Variants in STK32C observed in about 807,000 individuals in gnomAD.
STK32C encodes the protein serine/threonine kinase 32C, also known as serine/threonine-protein kinase 32C.
STK32C carries 31 observed loss-of-function variants against 56.5 expected under a neutral mutation model. That is an observed-to-expected ratio of 0.55 (90% CI 0.41 to 0.74). The LOEUF (loss-of-function observed/expected upper bound fraction) is 0.74, where lower values mean the gene tolerates loss of function less well. STK32C is among the 30% of genes least tolerant of loss of function. The probability of loss-of-function intolerance (pLI) is 0.00; values close to 1 mark genes in which losing one functional copy is unlikely to be tolerated. For missense variants in STK32C, 544 were observed against 676.9 expected (o/e 0.80, Z 2.18); for synonymous variants, 309 against 289.4 (o/e 1.07, Z -0.69).
intron 2 of STK32C, among the ~76,000 whole-genome samples, chr10:132,240,581 T>C (rs971360845): frequency 5.3e-5 from 8 of 152,162 alleles, no homozygotes; most frequent in African/African-American, 1.9e-4. Flanking sequence ...GTGGGGTCAC[T>C]GCAAGGACAG....
intron 1 of STK32C, among the ~76,000 whole-genome samples, chr10:132,283,726 G>A (rs893851289): frequency 3.9e-5 from 6 of 152,198 alleles, no homozygotes; most frequent in African/African-American, 1.4e-4. Context: ...TAAGAGGAGG[G>A]AACACGTGGT....
chr10:132,226,502 A>T (rs978030972), intron 4 of STK32C, among the ~76,000 whole-genome samples: 5 of 152,212 alleles, frequency 3.3e-5, no homozygotes, highest in African/African-American at 7.2e-5. Context: ...GGTGAAGGCC[A>T]CCTGCTGTGA....
At chr10:132,268,876 CGTGT>C (rs1305377650) in intron 1 of STK32C, among the ~76,000 whole-genome samples, 1 of 124,544 alleles carries the variant, frequency 8.0e-6, no homozygotes, top group Non-Finnish European at 1.6e-5. Flanking sequence ...TGTCCCACAT[CGTGT>C]GTATGTGTGT....
intron 1 of STK32C, among the ~76,000 whole-genome samples, chr10:132,267,378 C>A (rs2064578088): frequency 1.3e-5 from 2 of 152,254 alleles, no homozygotes; most frequent in African/African-American, 4.8e-5. Context: ...TGTGAATGTG[C>A]ATGTGTGTCT....
At chr10:132,310,447 G>A (rs1358789438), upstream of STK32C, among the ~76,000 whole-genome samples, 1 of 152,228 alleles carries the variant, frequency 6.6e-6, no homozygotes, top group Non-Finnish European at 1.5e-5. This position sits in a 1 kb window ranked among gnomAD's most constrained non-coding sequence, Gnocchi z 4.6. Context: ...GAGGTGCACA[G>A]TGTAGGCATG....
chr10:132,268,864 C>T (rs2064710173), intron 1 of STK32C, among the ~76,000 whole-genome samples: 1 of 142,436 alleles, frequency 7.0e-6, no homozygotes, highest in African/African-American at 2.6e-5. Context: ...TGTGTGCATG[C>T]ATGTCCCACA....
intron 1 of STK32C, among the ~76,000 whole-genome samples, chr10:132,258,582 T>C (rs1445293104): frequency 6.6e-6 from 1 of 152,202 alleles, no homozygotes; most frequent in African/African-American, 2.4e-5. Flanking sequence ...CGCGCAGGCC[T>C]TCCTCTGGAA....
chr10:132,289,856 G>A (rs111786073), intron 1 of STK32C, among the ~76,000 whole-genome samples: 3,387 of 152,182 alleles, frequency 0.022, 126 homozygotes, highest in African/African-American at 0.076. Context: ...ATATGTATGT[G>A]GGTGGGGACA....
Position 132,307,885 on chromosome 10 carries a change from C to A in STK32C, c.-52G>T. ...CGGAACTCGGGGCATGGCCGGCCGGCAGGGCCGGGAGCGGCAGTGGTAGCG... is the reference window on the plus strand; with the variant it reads ...CGGAACTCGGGGCATGGCCGGCCGGAAGGGCCGGGAGCGGCAGTGGTAGCG... On this transcript the variant is annotated 5_prime_UTR_variant, in exon 1 of 12. Coordinates refer to ENST00000298630, the MANE Select transcript of STK32C (RefSeq NM_173575.4). This position sits in a 1 kb window ranked among gnomAD's most constrained non-coding sequence, Gnocchi z 4.4. 8.8e-7 allele frequency: 1 copy of A among 1,140,006 alleles called. No homozygotes were observed. The highest frequency in any genetic ancestry group is 1.9e-5 in the South Asian group (1 of 52,826). 70.6% of individuals were successfully genotyped at this position (1,140,006 alleles called of 1,614,324 possible).
At chr10:132,210,567 T>C (rs2062258978) in intron 10 of STK32C, among the ~76,000 whole-genome samples, 1 of 152,246 alleles carries the variant, frequency 6.6e-6, no homozygotes, top group Non-Finnish European at 1.5e-5. Context: ...CTATTAATGC[T>C]GATTGCCAAG....
chr10:132,322,433 G>T (rs984934058), downstream of STK32C, among the ~76,000 whole-genome samples: 1 of 152,118 alleles, frequency 6.6e-6, no homozygotes, highest in African/African-American at 2.4e-5. Context: ...CTAGTATAGT[G>T]AATTTACCAA....
chr10:132,224,131 G>C (rs920862202), intron 8 of STK32C, among the ~76,000 whole-genome samples: 1 of 152,134 alleles, frequency 6.6e-6, no homozygotes, highest in African/African-American at 2.4e-5. Flanking sequence ...GCACAAGCCT[G>C]CTGTGAGGGT....
chr10:132,299,957 G>A (rs2065865526), intron 1 of STK32C, among the ~76,000 whole-genome samples: 1 of 152,352 alleles, frequency 6.6e-6, no homozygotes, highest in East Asian at 1.9e-4. Context: ...AGAGGTGCAT[G>A]GAGTAGGCGG....
At chr10:132,292,244 G>A (rs2138309332) in intron 1 of STK32C, among the ~76,000 whole-genome samples, 1 of 152,302 alleles carries the variant, frequency 6.6e-6, no homozygotes, top group East Asian at 1.9e-4. Context: ...CTGAGCCCAG[G>A]AGCCCAAGCC....
chr10:132,223,067 C>T, intron 8 of STK32C, 81 bp from the exon 9 acceptor site: 1 of 1,490,732 alleles, frequency 6.7e-7, no homozygotes, highest in East Asian at 2.5e-5. Flanking sequence ...GGCCAGGGCA[C>T]CTTGAGGAGG....
chr10:132,223,061 AG>A, intron 8 of STK32C, 75 bp from the exon 9 acceptor site: 2 of 1,503,866 alleles, frequency 1.3e-6, no homozygotes, highest in Non-Finnish European at 8.9e-7. Context: ...CCCCCAGGCC[AG>A]GGCACCTTGA....
At chr10:132,263,862 T>C (rs1314021156) in intron 1 of STK32C, among the ~76,000 whole-genome samples, 1 of 74,412 alleles carries the variant, frequency 1.3e-5, no homozygotes, top group Non-Finnish European at 3.4e-5. Flanking sequence ...CGAGACTCCA[T>C]CTCAAAAAAA....
intron 1 of STK32C, among the ~76,000 whole-genome samples, chr10:132,268,055 C>CACA (rs2064642414): frequency 3.5e-5 from 4 of 115,658 alleles, no homozygotes; most frequent in African/African-American, 1.3e-4. Flanking sequence ...GTCTGTGTGC[C>CACA]CACATGTCCC....
At chr10:132,230,020 G>A (rs535808023) in intron 2 of STK32C, among the ~76,000 whole-genome samples, 53 of 152,320 alleles carry the variant, frequency 3.5e-4, no homozygotes, top group African/African-American at 1.2e-3. Flanking sequence ...TTGTGTTGGG[G>A]GCTGCCCAGA....
Sources: allele counts gnomAD v4.1 joint callset (sites outside exome capture counted in the v4.1 genomes callset), GRCh38; gene constraint gnomAD v4.1.1; non-coding constraint Gnocchi (gnomAD v3.1); transcripts MANE v1.5; gene names NCBI Gene and HGNC (gene_info 2026-07-23, HGNC 2026-07-21).